FGD5: variants seen among roughly 807,000 people sequenced by gnomAD.
The protein encoded by FGD5 is FYVE, RhoGEF and PH domain containing 5.
Under a neutral mutation model 133.4 loss-of-function variants are expected in FGD5, and 28 were observed. The ratio of observed to expected loss-of-function variants is 0.21; its 90% CI spans 0.16 to 0.29. The LOEUF (loss-of-function observed/expected upper bound fraction) is 0.29, where lower values mean the gene tolerates loss of function less well. Ranked by LOEUF, FGD5 falls within the 10% of genes least tolerant of loss-of-function variation. The pLI, the probability that FGD5 is intolerant of heterozygous loss-of-function variation, is 1.00. For synonymous variants in FGD5, 810 were observed against 776.5 expected (o/e 1.04, Z -0.72); for missense variants, 1,858 against 1,895.2 (o/e 0.98, Z 0.36).
intron 4 of FGD5, among the ~76,000 whole-genome samples, chr3:14,891,498 G>A (rs2038026545): frequency 6.6e-6 from 1 of 152,228 alleles, no homozygotes; most frequent in Non-Finnish European, 1.5e-5. Context: ...GTTAGTTCAA[G>A]ACTCAGCCCC....
chr3:14,810,933 T>A, intron 1 of FGD5: 1 of 983,010 alleles, frequency 1.0e-6, no homozygotes, highest in Non-Finnish European at 1.2e-6. Context: ...CGCTCCAAGT[T>A]GGAGCTCCCG....
At chr3:14,840,803 T>C (rs1347811847) in intron 1 of FGD5, among the ~76,000 whole-genome samples, 1 of 152,244 alleles carries the variant, frequency 6.6e-6, no homozygotes, top group Non-Finnish European at 1.5e-5. Context: ...GTTTTGTTTT[T>C]GCCATGTGTG....
Position 14,923,146 on chromosome 3 carries a change from G to C in FGD5, c.3908G>C (p.Arg1303Pro), listed in dbSNP as rs537125427. 1.2e-6 allele frequency: 2 copies of C among 1,613,666 alleles called. No individual in the cohort carries two copies. Among genetic ancestry groups the C allele is most frequent in the South Asian group, 2.2e-5 (2 of 91,052 alleles). The part of the protein sequence containing the change: ...CDGCFGELKK[R>P]GRAVPGLMRE... ...GGCTGCTTCGGGGAGCTGAAGAAGC[G>C]GGGCAGGGCTGTCCCGGGCCTGATG... Residue 1303 changes from arginine to proline, a missense_variant, in exon 16 of 20, where the codon CGG becomes CCG. Physicochemically the swap from Arg to Pro is moderately radical, Grantham distance 103. Transcript: ENST00000285046.
At chr3:14,900,126 C>T (rs1283224225) in intron 7 of FGD5, among the ~76,000 whole-genome samples, 2 of 152,152 alleles carry the variant, frequency 1.3e-5, no homozygotes, top group East Asian at 1.9e-4. Flanking sequence ...GATGGATTCA[C>T]CTTGTTGTGT....
At chr3:14,892,986 A>G (rs1382300531) in intron 4 of FGD5, among the ~76,000 whole-genome samples, 2 of 152,220 alleles carry the variant, frequency 1.3e-5, no homozygotes, top group Non-Finnish European at 2.9e-5. Context: ...GCAAGAGTGC[A>G]TGATCTCTGA....
chr3:14,878,725 C>CTTTT (rs571884717), intron 2 of FGD5, among the ~76,000 whole-genome samples: 4 of 133,646 alleles, frequency 3.0e-5, no homozygotes, highest in Non-Finnish European at 3.2e-5. Flanking sequence ...AAAGCCCATG[C>CTTTT]TTTTTTTTTT....
At position 14,910,769 on chromosome 3, in the gene FGD5, T is replaced by G; in HGVS notation, c.3337-92T>G. The stretch of plus-strand genomic sequence containing the variant: ...CCCCTGCACCCTTGTCTGGGATTGA[T>G]TTAAGTTTCCACTCAGGGGCCTCCC... On this transcript the variant is annotated intron_variant, in intron 10 of 19. Coordinates refer to ENST00000285046, the MANE Select transcript of FGD5 (RefSeq NM_152536.4). 2.6e-6 allele frequency: 3 copies of G among 1,137,248 alleles called. No individual in the cohort carries two copies. In the South Asian group the frequency reaches 4.1e-5, roughly 15 times the overall value. 70.4% of individuals were successfully genotyped at this position (1,137,248 alleles called of 1,614,324 possible).
At position 14,866,681 on chromosome 3, in the gene FGD5, CA is replaced by C. The variant is rs1329899947; in HGVS notation, c.2658+2422del. On this transcript the variant is annotated intron_variant, in intron 2 of 19. Transcript: ENST00000285046. ...GAGAACTAGAACAATGCATGCCACT[CA>C]GGAAAGAAGCATACCAAGGTCAGAG... 2.0e-5 allele frequency among the ~76,000 whole-genome samples: 3 copies of C among 152,210 alleles called. No homozygotes were observed. The East Asian group carries it at 5.8e-4, about 29-fold the overall frequency.
intron 4 of FGD5, among the ~76,000 whole-genome samples, chr3:14,894,346 CCATT>C (rs2038092143): frequency 6.6e-6 from 1 of 152,050 alleles, no homozygotes; most frequent in Non-Finnish European, 1.5e-5. Context: ...TTTTCTTTAT[CCATT>C]CATCTGTTGA....
chr3:14,918,768 G>A lies in FGD5; in HGVS notation c.3504G>A (p.Val1168=). Residue 1168 remains valine (V), a synonymous_variant, in exon 13 of 20, where the codon GTG becomes GTA. Transcript: ENST00000285046. ...AVANMKVSRP[V]MEKVPYALKI... ...TGGTTTTCCAGGTCAGCCGCCCTGT[G>A]ATGGAGAAAGTGCCCTACGCTCTAA... 1.9e-6 allele frequency: 3 copies of A among 1,614,002 alleles called. No individual in the cohort carries two copies. The highest frequency in any genetic ancestry group is 2.5e-6 in the Non-Finnish European group (3 of 1,179,892).
intron 1 of FGD5, among the ~76,000 whole-genome samples, chr3:14,828,032 G>A (rs1000467842): frequency 1.3e-5 from 2 of 152,202 alleles, no homozygotes; most frequent in Non-Finnish European, 2.9e-5. Flanking sequence ...TATGAGGAGA[G>A]GGAGCAGGAA....
chr3:14,872,505 G>A (rs2037632186), intron 2 of FGD5, among the ~76,000 whole-genome samples: 1 of 152,086 alleles, frequency 6.6e-6, no homozygotes. Flanking sequence ...AGGGAGGGAG[G>A]GGTAAGACAG....
At chr3:14,927,800 T>C (rs548021368) in intron 18 of FGD5, among the ~76,000 whole-genome samples, 68 of 152,232 alleles carry the variant, frequency 4.5e-4, no homozygotes, top group African/African-American at 1.5e-3. Context: ...TCTTGCTTCG[T>C]TGTCCAAGGC....
chr3:14,822,724 T>C (rs1250167562), intron 1 of FGD5, among the ~76,000 whole-genome samples: 1 of 152,204 alleles, frequency 6.6e-6, no homozygotes, highest in Non-Finnish European at 1.5e-5. Context: ...CTGATCTGAA[T>C]TAACGAGAAA....
At chr3:14,847,036 T>C (rs1289079260) in intron 1 of FGD5, among the ~76,000 whole-genome samples, 8 of 152,160 alleles carry the variant, frequency 5.3e-5, no homozygotes, top group Non-Finnish European at 1.2e-4. Context: ...CTGGGAGAGT[T>C]GTTCCGAGGA....
chr3:14,891,725 A>T (rs758785118), intron 4 of FGD5, among the ~76,000 whole-genome samples: 1 of 152,212 alleles, frequency 6.6e-6, no homozygotes, highest in Non-Finnish European at 1.5e-5. Flanking sequence ...TTGTTCAGGA[A>T]GCACAGACCT....
chr3:14,845,008 C>G (rs2037021597), intron 1 of FGD5, among the ~76,000 whole-genome samples: 3 of 151,996 alleles, frequency 2.0e-5, no homozygotes, highest in Admixed American at 2.0e-4. Context: ...GAAAGGTGGC[C>G]ACCTCAGCTC....
At chr3:14,849,979 A>G (rs1301549181) in intron 1 of FGD5, among the ~76,000 whole-genome samples, 1 of 152,148 alleles carries the variant, frequency 6.6e-6, no homozygotes, top group Non-Finnish European at 1.5e-5. Flanking sequence ...ACACTTGGAA[A>G]CCACAGGCTG....
intron 1 of FGD5, among the ~76,000 whole-genome samples, chr3:14,839,147 C>G (rs2036869467): frequency 1.3e-5 from 2 of 152,222 alleles, no homozygotes; most frequent in African/African-American, 4.8e-5. Flanking sequence ...TTTCTCAACA[C>G]TAGGAAGTGG....
Sources: gnomAD v4.1 joint callset for allele counts (sites outside exome capture counted in the v4.1 genomes callset) on GRCh38, gnomAD v4.1.1 for gene constraint, MANE v1.5 for transcripts, NCBI Gene and HGNC (gene_info 2026-07-23, HGNC 2026-07-21) for gene names.